ULK4: variants seen among roughly 807,000 people sequenced by gnomAD.
ULK4 encodes the protein unc-51 like kinase 4.
ULK4 carries 133 observed loss-of-function variants against 160.6 expected under a neutral mutation model. The observed-to-expected ratio is 0.83, with a 90% CI of 0.72 to 0.96. ULK4 has a LOEUF of 0.96. Ranked by LOEUF, ULK4 falls within the 40% of genes least tolerant of loss-of-function variation. The pLI, the probability that ULK4 is intolerant of heterozygous loss-of-function variation, is 0.00. For synonymous variants in ULK4, 534 were observed against 539.8 expected (o/e 0.99, Z 0.15); for missense variants, 1,580 against 1,499.5 (o/e 1.05, Z -0.89).
chr3:41,283,375 T>C (rs1383622505), intron 35 of ULK4, among the ~76,000 whole-genome samples: 2 of 152,136 alleles, frequency 1.3e-5, no homozygotes, highest in African/African-American at 2.4e-5. Flanking sequence ...CTATTCACAA[T>C]AGAAAAGACT....
intron 27 of ULK4, among the ~76,000 whole-genome samples, chr3:41,699,168 C>T (rs1029504998): frequency 6.6e-6 from 1 of 152,036 alleles, no homozygotes; most frequent in Non-Finnish European, 1.5e-5. Context: ...AGCTACTGCC[C>T]AATAGTTTTT....
chr3:41,648,483 T>C (rs1160965570), intron 30 of ULK4, among the ~76,000 whole-genome samples: 1 of 152,228 alleles, frequency 6.6e-6, no homozygotes. Flanking sequence ...ATTCTAAAAA[T>C]AGCAGTATGT....
At chr3:41,519,524 G>A (rs1177475957) in intron 32 of ULK4, among the ~76,000 whole-genome samples, 1 of 152,160 alleles carries the variant, frequency 6.6e-6, no homozygotes, top group African/African-American at 2.4e-5. Flanking sequence ...TTCCTCAGTT[G>A]GGACACCACA....
chr3:41,332,106 G>C (rs147166823), intron 35 of ULK4, among the ~76,000 whole-genome samples: 163 of 152,080 alleles, frequency 1.1e-3, no homozygotes, highest in African/African-American at 3.8e-3. Flanking sequence ...AAAAGTTCAT[G>C]ACTCTTTCTT....
intron 17 of ULK4, among the ~76,000 whole-genome samples, chr3:41,851,580 T>C (rs2042214124): frequency 6.6e-6 from 1 of 152,204 alleles, no homozygotes; most frequent in African/African-American, 2.4e-5. Context: ...ATCAGGATGA[T>C]GCTGGCCTCA....
intron 34 of ULK4, among the ~76,000 whole-genome samples, chr3:41,417,117 C>T (rs1052835016): frequency 1.3e-5 from 2 of 152,140 alleles, no homozygotes; most frequent in Admixed American, 1.3e-4. Flanking sequence ...CCTCTACGCA[C>T]GTGAGAGACA....
intron 32 of ULK4, among the ~76,000 whole-genome samples, chr3:41,487,594 T>C (rs2084586314): frequency 6.6e-6 from 1 of 152,072 alleles, no homozygotes; most frequent in South Asian, 2.1e-4. Context: ...GGTTTCAAAT[T>C]CTATGAGGAA....
chr3:41,942,157 G>T lies in ULK4; in HGVS notation c.139-3960C>A, dbSNP rs868529387. The stretch of plus-strand genomic sequence containing the variant: ...AAAAGTGGCTTGTCTGAACTGGGAT[G>T]TGCTACAGATGTGAAATACACACAG... On this transcript the variant is annotated intron_variant, in intron 2 of 36. Coordinates refer to ENST00000301831, the MANE Select transcript of ULK4 (RefSeq NM_017886.4). Among the ~76,000 whole-genome samples the T allele has an allele frequency of 8.5e-5, 13 of 152,308 alleles. No homozygotes were observed. In the Middle Eastern group the frequency reaches 0.01, roughly 120 times the overall value.
intron 35 of ULK4, among the ~76,000 whole-genome samples, chr3:41,273,235 C>T (rs943524513): frequency 4.6e-5 from 7 of 152,050 alleles, no homozygotes; most frequent in Non-Finnish European, 7.4e-5. Flanking sequence ...TCTTGCTTTT[C>T]TGATTTTCTA....
intron 32 of ULK4, among the ~76,000 whole-genome samples, chr3:41,548,820 C>T (rs2086961060): frequency 6.6e-6 from 1 of 152,120 alleles, no homozygotes; most frequent in Non-Finnish European, 1.5e-5. Context: ...CCACCACCAC[C>T]AGTCTGGCCT....
At chr3:41,424,905 A>G (rs1296195289) in intron 34 of ULK4, among the ~76,000 whole-genome samples, 1 of 151,916 alleles carries the variant, frequency 6.6e-6, no homozygotes, top group Non-Finnish European at 1.5e-5. Context: ...AATGATCGCA[A>G]TACCTCTCCA....
At chr3:41,740,916 C>T (rs565726227) in intron 22 of ULK4, among the ~76,000 whole-genome samples, 1 of 152,064 alleles carries the variant, frequency 6.6e-6, no homozygotes, top group East Asian at 1.9e-4. Context: ...TTTATATGCA[C>T]ATGAATACAA....
chr3:41,709,734 A>T (rs757280418), intron 25 of ULK4, among the ~76,000 whole-genome samples: 18 of 152,214 alleles, frequency 1.2e-4, no homozygotes, highest in Non-Finnish European at 2.4e-4. Flanking sequence ...TAATTTTATT[A>T]AAATTATTTC....
intron 35 of ULK4, among the ~76,000 whole-genome samples, chr3:41,279,172 G>C (rs74657001): frequency 0.041 from 5,937 of 146,460 alleles, 289 homozygotes; most frequent in East Asian, 0.19. Context: ...TAGCCAATTC[G>C]ATCAAGTGGA....
intron 21 of ULK4, among the ~76,000 whole-genome samples, chr3:41,760,201 T>C (rs982206753): frequency 1.8e-4 from 28 of 152,290 alleles, no homozygotes; most frequent in African/African-American, 6.3e-4. Flanking sequence ...ATAATCATTA[T>C]AGTAGTGCAA....
intron 22 of ULK4, among the ~76,000 whole-genome samples, chr3:41,733,784 G>C (rs1468908000): frequency 1.4e-5 from 2 of 140,200 alleles, no homozygotes; most frequent in South Asian, 2.2e-4. Flanking sequence ...TCCCAGGCTG[G>C]AGTGCAGTGG....
At chr3:41,786,011 AT>A (rs2039987172) in intron 21 of ULK4, among the ~76,000 whole-genome samples, 1 of 152,114 alleles carries the variant, frequency 6.6e-6, no homozygotes, top group Non-Finnish European at 1.5e-5. Flanking sequence ...CAAGGCCAGA[AT>A]GCACCTTCTC....
intron 34 of ULK4, among the ~76,000 whole-genome samples, chr3:41,451,899 C>G (rs1479414392): frequency 6.6e-6 from 1 of 152,046 alleles, no homozygotes; most frequent in Non-Finnish European, 1.5e-5. Context: ...CAAGGTGGTA[C>G]CCTCTTGTGT....
chr3:41,529,186 A>G (rs1464615784), intron 32 of ULK4, among the ~76,000 whole-genome samples: 1 of 152,176 alleles, frequency 6.6e-6, no homozygotes, highest in Admixed American at 6.5e-5. Context: ...CATTTTGTGT[A>G]ATTAAAGTTC....
Sources: allele counts gnomAD v4.1 joint callset (sites outside exome capture counted in the v4.1 genomes callset), GRCh38; gene constraint gnomAD v4.1.1; transcripts MANE v1.5; gene names NCBI Gene and HGNC (gene_info 2026-07-23, HGNC 2026-07-21).